The following FGD3 variants were observed in gnomAD, a reference collection of about 807,000 sequenced individuals.
FGD3 encodes the protein FYVE, RhoGEF and PH domain containing 3.
In FGD3, 45 loss-of-function variants were observed where a neutral mutation model predicts 71.8. The observed-to-expected ratio is 0.63, with a 90% CI of 0.49 to 0.80. The LOEUF (loss-of-function observed/expected upper bound fraction) is 0.80. Among genes scored for constraint, FGD3 ranks in the 30% least tolerant of loss-of-function variants. The probability of loss-of-function intolerance (pLI) is 0.00; values close to 1 mark genes in which losing one functional copy is unlikely to be tolerated. For missense variants in FGD3, 844 were observed against 951.5 expected (o/e 0.89, Z 1.49); for synonymous variants, 378 against 392.8 (o/e 0.96, Z 0.44).
intron 3 of FGD3, among the ~76,000 whole-genome samples, chr9:92,997,216 T>C (rs558410052): frequency 3.3e-5 from 5 of 152,346 alleles, no homozygotes; most frequent in African/African-American, 1.2e-4. Flanking sequence ...ATTGGTCCCT[T>C]TACCATTATG....
intron 1 of FGD3, among the ~76,000 whole-genome samples, chr9:92,953,309 G>T (rs1301273584): frequency 6.6e-6 from 1 of 151,924 alleles, no homozygotes; most frequent in African/African-American, 2.4e-5. Context: ...AGAAACAATC[G>T]CTTCCACTTC....
At chr9:92,952,289 T>G (rs1334955602) in intron 1 of FGD3, among the ~76,000 whole-genome samples, 1 of 147,652 alleles carries the variant, frequency 6.8e-6, no homozygotes, top group Non-Finnish European at 1.5e-5. Context: ...CGGGCTGGAG[T>G]GCAGTGGCAC....
chr9:93,020,562 C>T lies in FGD3; in HGVS notation c.1494+138C>T, dbSNP rs73514111. 4,255 of 667,770 alleles carry T rather than the reference C, an allele frequency of 6.4e-3. 125 individuals are homozygous for T. The African/African-American group carries it at 0.068, about 11-fold the overall frequency. The allele number at this position is 667,770 out of a possible 1,614,324, so 41.4% of individuals were successfully genotyped here. ...ACACCAGGGACCAGGACAGCGGGCA[C>T]TCCCTTGTGTTAAAATAAAAACTTA... On this transcript the variant is annotated intron_variant, in intron 13 of 17. Coordinates refer to ENST00000375482, the MANE Select transcript of FGD3 (RefSeq NM_001083536.2).
intron 16 of FGD3, chr9:93,033,218 TTC>T (rs1862426976): frequency 5.3e-6 from 2 of 375,902 alleles, no homozygotes; most frequent in South Asian, 4.3e-5. Context: ...GATACTGCCC[TTC>T]TCTCTGCCTG....
chr9:93,022,239 G>C, intron 13 of FGD3, 88 bp from the exon 14 acceptor site: 1 of 1,338,024 alleles, frequency 7.5e-7, no homozygotes, highest in Non-Finnish European at 1.0e-6. Context: ...GCACAGAGGT[G>C]CTGGGGGCTT....
chr9:93,020,697 C>G (rs1342320744), intron 13 of FGD3: 2 of 409,758 alleles, frequency 4.9e-6, no homozygotes, highest in Admixed American at 7.5e-5. Context: ...GCCTCCTGTG[C>G]TGCTGTGTGG....
At chr9:92,993,647 GATATT>G (rs1209850485) in intron 3 of FGD3, among the ~76,000 whole-genome samples, 1 of 152,106 alleles carries the variant, frequency 6.6e-6, no homozygotes, top group Non-Finnish European at 1.5e-5. Flanking sequence ...CCTAGTTTGT[GATATT>G]CCTCACTCTG....
In FGD3 at chr9:93,003,002, C is replaced by G. The variant is rs1284671067; in HGVS notation, c.531C>G (p.His177Gln). Residue 177 changes from histidine (H) to glutamine (Q), a missense_variant, in exon 4 of 18, where the codon CAC becomes CAG. By Grantham distance (24) the His-to-Gln change is conservative (BLOSUM62 0). Coordinates refer to ENST00000375482, the MANE Select transcript of FGD3 (RefSeq NM_001083536.2). This position sits in a 1 kb window ranked among gnomAD's most constrained non-coding sequence, Gnocchi z 4.1. ...HTEETYVKRL[H>Q]LLDQVFCTRL... ...AGGAGACCTATGTGAAGCGGCTGCACCTGCTGGACCAGGTAGCCCACATGG... is the reference window on the plus strand; with the variant it reads ...AGGAGACCTATGTGAAGCGGCTGCAGCTGCTGGACCAGGTAGCCCACATGG... The G allele has an allele frequency of 1.2e-6, 2 of 1,614,158 alleles. No individual in the cohort carries two copies. The highest frequency in any genetic ancestry group is 1.7e-5 in the Admixed American group (1 of 60,014).
rs869235976 is a variant in FGD3 at position 93,028,995 on chromosome 9, GTTTTTTTTTTTTTTTTTTTTTTTTTTT to G, written c.1558-863_1558-837del. Among the ~76,000 whole-genome samples the G allele has an allele frequency of 2.5e-4, 13 of 51,754 alleles. No individual in the cohort carries two copies. The East Asian group carries it at 7.5e-3, about 30-fold the overall frequency. The allele number at this position is 51,754 out of a possible 152,430, so 34.0% of individuals were successfully genotyped here. A position where few individuals can be genotyped will look rare whatever the true frequency, so the allele number is the denominator to read the frequency against. ...CATGGCTTCCTCACATGTCCTCACA[GTTTTTTTTTTTTTTTTTTTTTTTTTTT>G]TTTTTTTTTTTTTTTGAGACAGAAT... On this transcript the variant is annotated intron_variant, in intron 14 of 17. Coordinates refer to ENST00000375482, the MANE Select transcript of FGD3 (RefSeq NM_001083536.2).
Position 93,003,990 on chromosome 9 carries a change from T to C in FGD3, c.544-11T>C. On this transcript the variant is annotated splice_polypyrimidine_tract_variant and intron_variant, in intron 4 of 17. Transcript: ENST00000375482. The surrounding 1 kb of genome is among the most constrained non-coding windows in gnomAD (Gnocchi z 4.1). ...GGCTCACTGGCCACACGTGGGCTTCTCTATGCTCAGGTTTTCTGCACCAGG... is the reference window on the plus strand; with the variant it reads ...GGCTCACTGGCCACACGTGGGCTTCCCTATGCTCAGGTTTTCTGCACCAGG... 6.2e-7 allele frequency: 1 copy of C among 1,613,998 alleles called. No individual in the cohort carries two copies. Among genetic ancestry groups the C allele is most frequent in the Non-Finnish European group, 8.5e-7 (1 of 1,179,992 alleles).
intron 3 of FGD3, among the ~76,000 whole-genome samples, chr9:92,995,803 C>A (rs1213192395): frequency 6.6e-6 from 1 of 152,142 alleles, no homozygotes; most frequent in East Asian, 1.9e-4. Flanking sequence ...GTTGAACCAG[C>A]CTTGCATCCC....
Position 93,004,122 on chromosome 9 carries a change from G to A in FGD3, c.665G>A (p.Arg222Gln). ...TTCCTGCTGCCGGAGCTGAAGACGC[G>A]GATCACGGAGGAGTGGTGAGTACCA... ...GQFLLPELKT[R>Q]ITEEWDTNPR... Residue 222 changes from arginine to glutamine, a missense_variant, in exon 5 of 18, where the codon CGG becomes CAG. Arg to Gln is a conservative substitution (Grantham distance 43). Coordinates refer to ENST00000375482, the MANE Select transcript of FGD3 (RefSeq NM_001083536.2). 5 of 1,613,936 alleles carry A rather than the reference G, an allele frequency of 3.1e-6. No homozygotes were observed. The highest frequency in any genetic ancestry group is 4.2e-6 in the Non-Finnish European group (5 of 1,180,046).
chr9:93,009,018 A>G (rs981812024), intron 6 of FGD3, among the ~76,000 whole-genome samples: 1 of 151,812 alleles, frequency 6.6e-6, no homozygotes, highest in Non-Finnish European at 1.5e-5. Flanking sequence ...TAATCCTAGC[A>G]CTTTGGGAGA....
chr9:93,007,833 T>A (rs527655624), intron 6 of FGD3, among the ~76,000 whole-genome samples: 1 of 152,242 alleles, frequency 6.6e-6, no homozygotes, highest in African/African-American at 2.4e-5. Flanking sequence ...ACACATTGGG[T>A]GCACCCAGCA....
Position 93,033,047 on chromosome 9 carries a change from C to T in FGD3, c.1785+174C>T, listed in dbSNP as rs969468145. 10 of 696,496 alleles carry T rather than the reference C, an allele frequency of 1.4e-5. No individual in the cohort carries two copies. In the East Asian group the frequency reaches 2.2e-4, roughly 15 times the overall value. The allele number at this position is 696,496 out of a possible 1,614,324, so 43.1% of individuals were successfully genotyped here. ...GGCTGGGAACACACTCGGAAGATCC[C>T]GTGTGTGCACGCTGGCTTCTCGGGA... On this transcript the variant is annotated intron_variant, in intron 16 of 17. Coordinates refer to ENST00000375482, the MANE Select transcript of FGD3 (RefSeq NM_001083536.2).
intron 1 of FGD3, among the ~76,000 whole-genome samples, chr9:92,971,561 CTTTTCTTTTTTTTT>C (rs1194250883): frequency 6.3e-5 from 4 of 63,288 alleles, no homozygotes; most frequent in East Asian, 9.1e-4. Context: ...CTTTTCTTTT[CTTTTCTTTTTTTTT>C]TTTTTTTTTT....
rs759551333 is a variant in FGD3 at position 93,010,353 on chromosome 9, G to A, written c.945G>A (p.Pro315=). Residue 315 remains proline, a synonymous_variant, in exon 7 of 18, where the codon CCG becomes CCA. Coordinates refer to ENST00000375482, the MANE Select transcript of FGD3 (RefSeq NM_001083536.2). Reference sequence around the variant, plus strand: ...TCAAGGACTATCTGAAGAGGCTCCCGCAGGACGCCCCAGACCGGAAGGATG... The same window carrying A: ...TCAAGGACTATCTGAAGAGGCTCCCACAGGACGCCCCAGACCGGAAGGATG... ...LLLKDYLKRL[P]QDAPDRKDAE... The A allele has an allele frequency of 3.2e-5, 52 of 1,612,924 alleles. No individual in the cohort carries two copies. Among genetic ancestry groups the A allele is most frequent in the Admixed American group, 8.3e-5 (5 of 59,968 alleles).
chr9:92,999,780 G>A (rs1354690815), intron 3 of FGD3, among the ~76,000 whole-genome samples: 1 of 151,978 alleles, frequency 6.6e-6, no homozygotes, highest in East Asian at 1.9e-4. Context: ...TTTTAGTTGA[G>A]ATGGGGTTTT....
rs1860910187 is a variant in FGD3, at chr9:93,002,910, C to G, written c.454-15C>G. ...CTCATCTTCCCCAGGTGAGCTGCAT[C>G]TCTTCTCTCCGCAGCACTCTGGCCC... On this transcript the variant is annotated splice_polypyrimidine_tract_variant and intron_variant, in intron 3 of 17. Transcript: ENST00000375482. The G allele has an allele frequency of 6.2e-7, 1 of 1,612,740 alleles. No individual in the cohort carries two copies. Among genetic ancestry groups the G allele is most frequent in the African/African-American group, 1.3e-5 (1 of 74,916 alleles).
Sources: allele counts gnomAD v4.1 joint callset (sites outside exome capture counted in the v4.1 genomes callset), GRCh38; gene constraint gnomAD v4.1.1; non-coding constraint Gnocchi (gnomAD v3.1); transcripts MANE v1.5; gene names NCBI Gene and HGNC (gene_info 2026-07-23, HGNC 2026-07-21).